The following FRMPD4 variants were observed in gnomAD, a reference collection of about 807,000 sequenced individuals.
FRMPD4 encodes FERM and PDZ domain-containing protein 4.
FRMPD4 carries 22 observed loss-of-function variants against 94.1 expected under a neutral mutation model. The observed-to-expected ratio is 0.23, with a 90% CI of 0.17 to 0.33. The LOEUF (loss-of-function observed/expected upper bound fraction) is 0.33. Among genes scored for constraint, FRMPD4 ranks in the 10% least tolerant of loss-of-function variants. The pLI is 1.00. For missense variants in FRMPD4, 1,111 were observed against 1,339.9 expected (o/e 0.83, Z 2.67); for synonymous variants, 631 against 548.6 (o/e 1.15, Z -2.10).
chrX:12,141,522 T>C (rs2055690220), intron 1 of FRMPD4, among the ~76,000 whole-genome samples: 1 of 111,717 alleles, frequency 9.0e-6, no homozygotes, highest in Non-Finnish European at 1.9e-5. Flanking sequence ...CCAGAATCTA[T>C]ACCCTTTTAA....
intron 1 of FRMPD4, among the ~76,000 whole-genome samples, chrX:11,839,144 T>C (rs776215494): frequency 8.1e-5 from 9 of 111,365 alleles, no homozygotes; most frequent in African/African-American, 2.9e-4. Flanking sequence ...TCACCATATT[T>C]AGTTTGTGTT....
intron 3 of FRMPD4, among the ~76,000 whole-genome samples, chrX:11,953,377 C>T (rs2054236129): frequency 8.9e-6 from 1 of 111,784 alleles, no homozygotes; most frequent in African/African-American, 3.3e-5. Context: ...AGATAAGTCT[C>T]ATTAAAGATG....
At chrX:12,483,814 C>G (rs1177700215) in intron 1 of FRMPD4, among the ~76,000 whole-genome samples, 1 of 111,785 alleles carries the variant, frequency 8.9e-6, no homozygotes, top group East Asian at 2.8e-4. Context: ...AATTTATGTA[C>G]AAACTTCTTA....
chrX:12,674,805 C>T, intron 4 of FRMPD4, 58 bp from the exon 5 acceptor site: 1 of 728,843 alleles, frequency 1.4e-6, no homozygotes, highest in Non-Finnish European at 2.2e-6. Flanking sequence ...AAAACTCTTA[C>T]TAGTTAGAGT....
intron 1 of FRMPD4, among the ~76,000 whole-genome samples, chrX:11,838,800 T>C (rs2053516353): frequency 8.9e-6 from 1 of 112,188 alleles, no homozygotes; most frequent in Non-Finnish European, 1.9e-5. Context: ...TCATCCATCT[T>C]GTAGCATGTA....
At position 12,716,762 on chromosome X, in the gene FRMPD4, C is replaced by A; in HGVS notation, c.2303C>A (p.Pro768Gln). Residue 768 changes from proline to glutamine, a missense_variant, in exon 15 of 17, where the codon CCG (proline) becomes CAG (glutamine). By Grantham distance (76) the Pro-to-Gln change is moderately conservative. Transcript: ENST00000675598. ...EDLVVGEMNQPAILNLSGSSD... is the reference protein window; with the variant it reads ...EDLVVGEMNQQAILNLSGSSD... ...CTCGTGGTGGGGGAGATGAACCAGCCGGCCATCCTCAACCTGTCTGGGTCA... is the reference window on the plus strand; with the variant it reads ...CTCGTGGTGGGGGAGATGAACCAGCAGGCCATCCTCAACCTGTCTGGGTCA... 8.3e-7 allele frequency: 1 copy of A among 1,210,681 alleles called. No individual in the cohort carries two copies. Among genetic ancestry groups the A allele is most frequent in the Non-Finnish European group, 1.1e-6 (1 of 894,506 alleles).
intron 1 of FRMPD4, among the ~76,000 whole-genome samples, chrX:11,823,301 TAA>T: frequency 9.2e-6 from 1 of 109,023 alleles, no homozygotes; most frequent in East Asian, 2.8e-4. Flanking sequence ...AATATAATAA[TAA>T]TAATTATTAT....
intron 3 of FRMPD4, among the ~76,000 whole-genome samples, chrX:11,972,902 A>C (rs1270304045): frequency 8.9e-6 from 1 of 112,672 alleles, no homozygotes; most frequent in Non-Finnish European, 1.9e-5. Flanking sequence ...ATTTGGGTTG[A>C]TAAAAAGGAA....
intron 2 of FRMPD4, among the ~76,000 whole-genome samples, chrX:12,521,933 A>G (rs2058166318): frequency 9.0e-6 from 1 of 110,771 alleles, no homozygotes; most frequent in South Asian, 3.8e-4. Flanking sequence ...TGGCTTGGGA[A>G]AAAGTAAAAT....
At chrX:12,469,596 G>C (rs1337241086) in intron 1 of FRMPD4, among the ~76,000 whole-genome samples, 4 of 111,528 alleles carry the variant, frequency 3.6e-5, no homozygotes, top group Non-Finnish European at 7.5e-5. Context: ...TACTTCTACA[G>C]AAAAAATGTT....
chrX:12,377,248 G>C (rs1411593308), intron 1 of FRMPD4, among the ~76,000 whole-genome samples: 1 of 112,252 alleles, frequency 8.9e-6, no homozygotes, highest in Non-Finnish European at 1.9e-5. Flanking sequence ...AAACAGTGTT[G>C]TCTTTGCAAC....
At chrX:12,243,546 G>A (rs1161478044) in intron 1 of FRMPD4, among the ~76,000 whole-genome samples, 2 of 111,384 alleles carry the variant, frequency 1.8e-5, no homozygotes, top group Non-Finnish European at 3.8e-5. Flanking sequence ...GAAGGTGAGA[G>A]TAAAGTTTCG....
chrX:12,335,456 T>G (rs2055502605), intron 1 of FRMPD4, among the ~76,000 whole-genome samples: 1 of 111,995 alleles, frequency 8.9e-6, no homozygotes, highest in Non-Finnish European at 1.9e-5. Context: ...TAACTTGACA[T>G]TTTAAAAAAG....
At chrX:12,655,339 T>A (rs2059642601) in intron 4 of FRMPD4, among the ~76,000 whole-genome samples, 1 of 112,099 alleles carries the variant, frequency 8.9e-6, no homozygotes, top group Admixed American at 9.5e-5. Context: ...ACCATCTCTA[T>A]CCCTGTGTGT....
chrX:12,581,812 A>T (rs771731742), intron 2 of FRMPD4, among the ~76,000 whole-genome samples: 28 of 111,972 alleles, frequency 2.5e-4, no homozygotes, highest in African/African-American at 9.1e-4. Context: ...TCTCTCAGGT[A>T]TCCATGATTC....
intron 1 of FRMPD4, among the ~76,000 whole-genome samples, chrX:12,181,828 GTC>G (rs1047420396): frequency 6.3e-5 from 7 of 111,791 alleles, no homozygotes; most frequent in African/African-American, 1.9e-4. Context: ...TCAGGTCATG[GTC>G]TCTATCTCTG....
chrX:12,014,586 C>A (rs1049512260), intron 3 of FRMPD4, among the ~76,000 whole-genome samples: 5 of 111,126 alleles, frequency 4.5e-5, no homozygotes, highest in African/African-American at 1.6e-4. Context: ...AGCAAGCAAG[C>A]AAGAAAGCAA....
chrX:12,271,820 A>G (rs1290987284), intron 1 of FRMPD4, among the ~76,000 whole-genome samples: 2 of 112,158 alleles, frequency 1.8e-5, no homozygotes, highest in African/African-American at 6.5e-5. Context: ...TGTGAGCATC[A>G]GACTCCCCTG....
intron 3 of FRMPD4, among the ~76,000 whole-genome samples, chrX:11,975,978 G>T (rs1457969663): frequency 1.8e-5 from 2 of 112,121 alleles, no homozygotes; most frequent in African/African-American, 6.5e-5. Flanking sequence ...CATTTTAACA[G>T]GGGTCTCCAG....
Sources: allele counts gnomAD v4.1 joint callset (sites outside exome capture counted in the v4.1 genomes callset), GRCh38; gene constraint gnomAD v4.1.1; transcripts MANE v1.5; gene names NCBI Gene and HGNC (gene_info 2026-07-23, HGNC 2026-07-21).